Variants in GLIS3 observed in about 807,000 individuals in gnomAD.
The protein encoded by GLIS3 is GLIS family zinc finger 3, also known as zinc finger protein GLIS3.
In GLIS3, 53 loss-of-function variants were observed where a neutral mutation model predicts 78.6. The observed-to-expected ratio is 0.67, with a 90% confidence interval of 0.54 to 0.85. GLIS3 has a LOEUF of 0.85. GLIS3 is among the 40% of genes least tolerant of loss of function. The pLI is 0.00. For synonymous variants in GLIS3, 684 were observed against 509.9 expected (o/e 1.34, Z -4.60); for missense variants, 1,703 against 1,231.1 (o/e 1.38, Z -5.74).
At chr9:4,160,018 T>C (rs911827427) in intron 2 of GLIS3, among the ~76,000 whole-genome samples, 5 of 152,106 alleles carry the variant, frequency 3.3e-5, no homozygotes, top group South Asian at 2.1e-4. Context: ...TATTATCTCT[T>C]TGAACACAAA....
rs893735603 is a variant in GLIS3, at chr9:4,156,240, T to A, written c.389-30299A>T. ...TCACATTCACATAGAAATAAGGTTA[T>A]TCCCTCCCTTCTTCCTCCATTATCT... On this transcript the variant is annotated intron_variant, in intron 2 of 10. Transcript: ENST00000381971. 2.2e-4 allele frequency among the ~76,000 whole-genome samples: 33 copies of A among 152,178 alleles called. 1 individual carries two copies. Among genetic ancestry groups the A allele is most frequent in the Admixed American group, 2.2e-3 (33 of 15,268 alleles).
chr9:4,066,877 G>A (rs1827145280), intron 4 of GLIS3, among the ~76,000 whole-genome samples: 1 of 152,096 alleles, frequency 6.6e-6, no homozygotes, highest in Non-Finnish European at 1.5e-5. Context: ...AGTTTCTCCA[G>A]TACCCCAGCG....
intron 9 of GLIS3, among the ~76,000 whole-genome samples, chr9:3,838,851 C>G (rs2130044575): frequency 6.6e-6 from 1 of 152,262 alleles, no homozygotes; most frequent in Non-Finnish European, 1.5e-5. Flanking sequence ...CTCTGGGGAC[C>G]CTTGACCTGC....
chr9:4,116,062 T>A (rs1361392018), intron 4 of GLIS3, among the ~76,000 whole-genome samples: 1 of 152,266 alleles, frequency 6.6e-6, no homozygotes, highest in Non-Finnish European at 1.5e-5. Flanking sequence ...TAAAAAGTTA[T>A]ATGTCTTTGC....
intron 1 of GLIS3, among the ~76,000 whole-genome samples, chr9:4,292,067 G>C (rs923167814): frequency 1.3e-5 from 2 of 152,086 alleles, no homozygotes; most frequent in African/African-American, 4.8e-5. Context: ...GAACCAAAAA[G>C]ATTTTTAAGA....
chr9:3,925,914 A>AT (rs1825188951), intron 6 of GLIS3, among the ~76,000 whole-genome samples: 1 of 152,160 alleles, frequency 6.6e-6, no homozygotes. Flanking sequence ...GTTATACATC[A>AT]TGTTGCTTAG....
chr9:3,919,831 T>C (rs1046612791), intron 6 of GLIS3, among the ~76,000 whole-genome samples: 1 of 151,974 alleles, frequency 6.6e-6, no homozygotes, highest in Non-Finnish European at 1.5e-5. Context: ...TTAATTGTAA[T>C]ACTAGCCTCG....
intron 2 of GLIS3, among the ~76,000 whole-genome samples, chr9:4,254,457 G>A (rs780415415): frequency 6.6e-6 from 1 of 152,180 alleles, no homozygotes; most frequent in African/African-American, 2.4e-5. Context: ...TGAAAGTCCT[G>A]ACAGTAAATA....
chr9:4,275,464 A>G (rs960644252), intron 2 of GLIS3, among the ~76,000 whole-genome samples: 1 of 152,122 alleles, frequency 6.6e-6, no homozygotes, highest in Non-Finnish European at 1.5e-5. Flanking sequence ...CACAGCACAT[A>G]AAGAATGAGA....
At chr9:4,236,047 T>C (rs1055137530) in intron 2 of GLIS3, among the ~76,000 whole-genome samples, 4 of 152,104 alleles carry the variant, frequency 2.6e-5, no homozygotes, top group Admixed American at 6.5e-5. Flanking sequence ...TGTGTAGTCA[T>C]TGTTCCTAGT....
chr9:4,012,461 C>CA (rs1347817049), intron 4 of GLIS3, among the ~76,000 whole-genome samples: 11 of 152,080 alleles, frequency 7.2e-5, no homozygotes, highest in Admixed American at 3.9e-4. Flanking sequence ...ACAAAAAAAA[C>CA]AGTCAATGAT....
the GLIS3 span, among the ~76,000 whole-genome samples, chr9:4,455,425 A>G: frequency 6.6e-6 from 1 of 152,166 alleles, no homozygotes; most frequent in African/African-American, 2.4e-5. Flanking sequence ...AGGGCAAGAA[A>G]AAGTTAGGCA....
chr9:4,417,986 T>A, the GLIS3 span, among the ~76,000 whole-genome samples: 1 of 152,216 alleles, frequency 6.6e-6, no homozygotes, highest in African/African-American at 2.4e-5. Flanking sequence ...CTTTGCACAA[T>A]ATCTAGCATT....
At chr9:3,959,748 AATAGAGT>A (rs1817419029) in intron 4 of GLIS3, among the ~76,000 whole-genome samples, 1 of 152,166 alleles carries the variant, frequency 6.6e-6, no homozygotes. Flanking sequence ...CTCCCTCCCA[AATAGAGT>A]ATAGTGACTG....
chr9:3,980,154 G>T (rs762969673), intron 4 of GLIS3, among the ~76,000 whole-genome samples: 1 of 152,142 alleles, frequency 6.6e-6, no homozygotes, highest in Non-Finnish European at 1.5e-5. Context: ...ATCATATTTT[G>T]TTTAAAGTAA....
chr9:4,380,347 G>C, the GLIS3 span, among the ~76,000 whole-genome samples: 2 of 152,004 alleles, frequency 1.3e-5, no homozygotes, highest in South Asian at 4.2e-4. Flanking sequence ...GATAACAATT[G>C]GCTCTAAGCA....
chr9:3,940,877 T>C (rs79969280), intron 4 of GLIS3, among the ~76,000 whole-genome samples: 190 of 152,314 alleles, frequency 1.2e-3, no homozygotes, highest in African/African-American at 4.5e-3. Flanking sequence ...AAGCTCTGTG[T>C]GCATGAAAGC....
At chr9:4,389,531 C>T in the GLIS3 span, among the ~76,000 whole-genome samples, 1 of 152,138 alleles carries the variant, frequency 6.6e-6, no homozygotes, top group Non-Finnish European at 1.5e-5. Context: ...TCTGCATTTC[C>T]AAAGGTTCTT....
the GLIS3 span, among the ~76,000 whole-genome samples, chr9:4,362,570 C>G: frequency 6.6e-6 from 1 of 152,186 alleles, no homozygotes; most frequent in Non-Finnish European, 1.5e-5. Flanking sequence ...GAATTTCCCT[C>G]AAAGTTGCTC....
Sources: gnomAD v4.1 joint callset for allele counts (sites outside exome capture counted in the v4.1 genomes callset) on GRCh38, gnomAD v4.1.1 for gene constraint, MANE v1.5 for transcripts, NCBI Gene and HGNC (gene_info 2026-07-23, HGNC 2026-07-21) for gene names.